The following UGT1A5 variants were observed in gnomAD, a reference collection of about 807,000 sequenced individuals.
UGT1A5 encodes UDP glucuronosyltransferase family 1 member A5.
In UGT1A5, 29 loss-of-function variants were observed where a neutral mutation model predicts 40.3. The observed-to-expected ratio is 0.72, with a 90% CI of 0.54 to 0.98. The LOEUF (loss-of-function observed/expected upper bound fraction) is 0.98, where lower values mean the gene tolerates loss of function less well. Ranked by LOEUF, UGT1A5 falls within the 50% of genes least tolerant of loss-of-function variation. UGT1A5 has a pLI of 0.00. For missense variants in UGT1A5, 678 were observed against 677.9 expected (o/e 1.00, Z 0.00); for synonymous variants, 257 against 262.5 (o/e 0.98, Z 0.20).
At chr2:233,721,843 C>A (rs2076975309) in intron 1 of UGT1A5, 2 of 515,272 alleles carry the variant, frequency 3.9e-6, no homozygotes, top group Non-Finnish European at 3.9e-6. Context: ...ACCTTGTGTC[C>A]AGCCCCACTG....
intron 1 of UGT1A5, among the ~76,000 whole-genome samples, chr2:233,756,690 C>T (rs1266086020): frequency 6.6e-6 from 1 of 152,102 alleles, no homozygotes; most frequent in Non-Finnish European, 1.5e-5. Flanking sequence ...TATATAATGA[C>T]GATGAATTTT....
rs1187391866 is a variant in UGT1A5 at position 233,724,541 on chromosome 2, C to T, written c.867+10683C>T. Among the ~76,000 whole-genome samples the T allele has an allele frequency of 2.0e-4, 24 of 122,440 alleles. 1 individual carries two copies. Among genetic ancestry groups the T allele is most frequent in the Admixed American group, 1.0e-3 (13 of 12,646 alleles). 80.3% of individuals were successfully genotyped at this position (122,440 alleles called of 152,430 possible). On this transcript the variant is annotated intron_variant, in intron 1 of 4. Transcript: ENST00000373414. ...CAGATGGGGTCTCGCCGGGCAGAGG[C>T]GCTCCTCACATCCCAGATGGGGCGG... is the stretch of plus-strand genomic sequence containing the variant.
chr2:233,729,670 T>C, intron 1 of UGT1A5: 1 of 1,613,952 alleles, frequency 6.2e-7, no homozygotes, highest in Non-Finnish European at 8.5e-7. Context: ...TGATTTAGAC[T>C]TTAAGGGCAC....
intron 1 of UGT1A5, among the ~76,000 whole-genome samples, chr2:233,756,884 T>C (rs1289001884): frequency 6.6e-6 from 1 of 152,128 alleles, no homozygotes; most frequent in Non-Finnish European, 1.5e-5. Flanking sequence ...GTAATGAGGA[T>C]GTGTTATCTC....
At chr2:233,714,585 C>T (rs1055592636) in intron 1 of UGT1A5, among the ~76,000 whole-genome samples, 2 of 152,172 alleles carry the variant, frequency 1.3e-5, no homozygotes, top group East Asian at 3.8e-4. Context: ...ATAATTTAAA[C>T]TTTTCTAGTG....
At position 233,768,551 on chromosome 2, in the gene UGT1A5, A is replaced by G. The variant is rs1699641302; in HGVS notation, c.1307+112A>G. The G allele has an allele frequency of 4.1e-6, 6 of 1,478,370 alleles. No individual in the cohort carries two copies. The East Asian group carries it at 1.5e-4, about 37-fold the overall frequency. 91.6% of individuals were successfully genotyped at this position (1,478,370 alleles called of 1,614,324 possible). A position where few individuals can be genotyped will look rare whatever the true frequency, so the allele number is the denominator to read the frequency against. The stretch of plus-strand genomic sequence containing the variant: ...ATAGCGTTGTTTCAAATATAAAAAC[A>G]AATACATAAAAATCTGGATTTTTAT... On this transcript the variant is annotated intron_variant, in intron 4 of 4. Transcript: ENST00000373414.
chr2:233,743,820 C>T (rs753368953), intron 1 of UGT1A5: 5 of 1,367,258 alleles, frequency 3.7e-6, no homozygotes, highest in Non-Finnish European at 4.9e-6. Context: ...GGGTTTTTGT[C>T]GGGGTGCCAC....
At chr2:233,724,990 G>T (rs1408301840) in intron 1 of UGT1A5, among the ~76,000 whole-genome samples, 1 of 144,142 alleles carries the variant, frequency 6.9e-6, no homozygotes, top group Non-Finnish European at 1.5e-5. Context: ...CGCGGTTAGG[G>T]GCTGGAGACC....
chr2:233,758,873 T>C (rs944299191), intron 1 of UGT1A5, among the ~76,000 whole-genome samples: 1 of 152,218 alleles, frequency 6.6e-6, no homozygotes, highest in Non-Finnish European at 1.5e-5. Context: ...ACTTGCCCCA[T>C]AGTCCATGGT....
intron 1 of UGT1A5, among the ~76,000 whole-genome samples, chr2:233,731,952 T>C (rs2078222480): frequency 6.6e-6 from 1 of 152,218 alleles, no homozygotes; most frequent in African/African-American, 2.4e-5. Context: ...ATCTGTTGTT[T>C]CCTGACTTTT....
chr2:233,728,156 C>T (rs2077686156), intron 1 of UGT1A5, among the ~76,000 whole-genome samples: 1 of 152,250 alleles, frequency 6.6e-6, no homozygotes, highest in Non-Finnish European at 1.5e-5. Context: ...GCAGCCCATT[C>T]TGTTCTGGAG....
intron 1 of UGT1A5, among the ~76,000 whole-genome samples, chr2:233,727,577 G>T (rs1286576165): frequency 6.6e-6 from 1 of 152,206 alleles, no homozygotes; most frequent in Admixed American, 6.5e-5. Flanking sequence ...TGCTTAGGAA[G>T]CATATAGTTT....
chr2:233,746,462 G>C (rs1030213757), intron 1 of UGT1A5, among the ~76,000 whole-genome samples: 10 of 151,612 alleles, frequency 6.6e-5, no homozygotes, highest in Admixed American at 3.9e-4. Context: ...CCTTCAAAAG[G>C]GTTCCAGAAA....
intron 1 of UGT1A5, chr2:233,740,623 G>C (rs1691436478): frequency 6.6e-6 from 1 of 151,816 alleles, no homozygotes; most frequent in Non-Finnish European, 1.5e-5. Context: ...GGGGCTCACA[G>C]GGTCATGCCT....
At chr2:233,754,354 C>G in intron 1 of UGT1A5, 1 of 263,180 alleles carries the variant, frequency 3.8e-6, no homozygotes, top group Admixed American at 5.0e-5. Flanking sequence ...AAATTGCATA[C>G]AGATATTTAC....
chr2:233,755,082 T>A (rs971081603), intron 1 of UGT1A5: 2 of 1,336,596 alleles, frequency 1.5e-6, no homozygotes, highest in South Asian at 2.3e-5. Flanking sequence ...GTCATAGATA[T>A]CGCGTTTCTA....
chr2:233,738,870 C>T (rs1316553020), intron 1 of UGT1A5: 1 of 152,192 alleles, frequency 6.6e-6, no homozygotes, highest in Admixed American at 6.5e-5. Context: ...GAAAATGGCT[C>T]CAGGGCATGT....
Position 233,751,190 on chromosome 2 carries a change from G to C in UGT1A5, c.868-15844G>C, listed in dbSNP as rs551144438. Among the ~76,000 whole-genome samples the C allele has an allele frequency of 1.2e-4, 18 of 152,080 alleles. 2 individuals carry two copies. Among genetic ancestry groups the C allele is most frequent in the African/African-American group, 4.4e-4 (18 of 41,324 alleles). ...CCTAGATATGAGACATGAAGTTAAA[G>C]GTGATAATTTTGGAGCTTTAAGATT... On this transcript the variant is annotated intron_variant, in intron 1 of 4. Transcript: ENST00000373414.
intron 1 of UGT1A5, among the ~76,000 whole-genome samples, chr2:233,764,613 G>C (rs1465626858): frequency 6.6e-6 from 1 of 152,080 alleles, no homozygotes; most frequent in Admixed American, 6.5e-5. Context: ...GTAAGAGTGG[G>C]TTTCATGAAG....
Sources: gnomAD v4.1 joint callset for allele counts (sites outside exome capture counted in the v4.1 genomes callset) on GRCh38, gnomAD v4.1.1 for gene constraint, MANE v1.5 for transcripts, NCBI Gene and HGNC (gene_info 2026-07-23, HGNC 2026-07-21) for gene names.